GLTP: variants seen among roughly 807,000 people sequenced by gnomAD.
The protein encoded by GLTP is glycolipid transfer protein.
A neutral mutation model predicts 24.0 loss-of-function variants in GLTP; 22 were observed. The observed-to-expected ratio is 0.92, with a 90% CI of 0.65 to 1.31. The LOEUF (loss-of-function observed/expected upper bound fraction) is 1.31. GLTP is among the 50% of genes most tolerant of loss of function. The probability of loss-of-function intolerance (pLI) is 0.00; values close to 1 mark genes in which losing one functional copy is unlikely to be tolerated. For missense variants in GLTP, 224 were observed against 276.6 expected, an observed-to-expected ratio of 0.81 and a Z score of 1.35; for synonymous variants, 92 against 115.9, an observed-to-expected ratio of 0.79 and a Z score of 1.33.
In GLTP at chr12:109,852,279, G is replaced by A. The variant is rs754598319; in HGVS notation, c.*276C>T. The A allele has an allele frequency of 1.7e-5, 5 of 301,232 alleles. No individual in the cohort carries two copies. Among genetic ancestry groups the A allele is most frequent in the Admixed American group, 1.0e-4 (2 of 19,228 alleles). 18.7% of individuals were successfully genotyped at this position (301,232 alleles called of 1,614,324 possible). A position where few individuals can be genotyped will look rare whatever the true frequency, so the allele number is the denominator to read the frequency against. On this transcript the variant is annotated 3_prime_UTR_variant, in exon 5 of 5. Transcript: ENST00000318348. ...AGAAGTGTTAATCGGTTTTTACCACGCTGAAATGAAGGTATAAAGTCAGTC... is the reference window on the plus strand; with the variant it reads ...AGAAGTGTTAATCGGTTTTTACCACACTGAAATGAAGGTATAAAGTCAGTC...
Position 109,857,364 on chromosome 12 carries a change from G to T in GLTP, c.296+162C>A, listed in dbSNP as rs1165642767. Among the ~76,000 whole-genome samples, 2 of 152,196 alleles carry T rather than the reference G, an allele frequency of 1.3e-5. No homozygotes were observed. The highest frequency in any genetic ancestry group is 2.9e-5 in the Non-Finnish European group (2 of 68,030). Reference sequence around the variant, plus strand: ...ACCAGGAAGCATCACTGTCAGGCAAGCCCTGGCCATTGGGAGGCCTTTTCC... The same window carrying T: ...ACCAGGAAGCATCACTGTCAGGCAATCCCTGGCCATTGGGAGGCCTTTTCC... On this transcript the variant is annotated intron_variant, in intron 3 of 4. Transcript: ENST00000318348. The surrounding 1 kb of genome is among the most constrained non-coding windows in gnomAD (Gnocchi z 4.3).
At chr12:109,853,527 A>G (rs1892754672) in intron 4 of GLTP, among the ~76,000 whole-genome samples, 1 of 151,604 alleles carries the variant, frequency 6.6e-6, no homozygotes, top group African/African-American at 2.4e-5. Flanking sequence ...CATCTCTACT[A>G]AAAATACAAA....
At chr12:109,854,338 C>G in intron 4 of GLTP, among the ~76,000 whole-genome samples, 1 of 128,398 alleles carries the variant, frequency 7.8e-6, no homozygotes, top group Non-Finnish European at 1.5e-5. Context: ...CCAGCCTGGG[C>G]GACAGCGACA....
rs150208595 is a variant in GLTP, at chr12:109,852,643, C to T, written c.542G>A (p.Arg181His). The change falls in exon 5 of 5, where the codon CGC (arginine) becomes CAC (histidine). Residue 181 changes from arginine to histidine, a missense_variant. Physicochemically the swap from Arg to His is conservative, Grantham distance 29. Coordinates refer to ENST00000318348, the MANE Select transcript of GLTP (RefSeq NM_016433.4). ...CGCCGTGTAGTTGACTAGGAAGAGG[C>T]GGATCTTCTCCAGGCACTCCTCCTC... ...VTEEECLEKI[R>H]LFLVNYTATI... 5.1e-5 allele frequency: 82 copies of T among 1,602,204 alleles called. No individual in the cohort carries two copies. The highest frequency in any genetic ancestry group is 6.8e-5 in the Non-Finnish European group (79 of 1,169,160).
chr12:109,877,209 T>C (rs1286518739), intron 1 of GLTP, among the ~76,000 whole-genome samples: 1 of 152,244 alleles, frequency 6.6e-6, no homozygotes. Flanking sequence ...GAAAATATTC[T>C]GAAATCCCAG....
intron 1 of GLTP, among the ~76,000 whole-genome samples, chr12:109,879,139 CTG>C (rs1868979117): frequency 1.3e-5 from 2 of 152,192 alleles, no homozygotes; most frequent in African/African-American, 4.8e-5. Flanking sequence ...GCTCAGGACA[CTG>C]TGGGAACTAC....
chr12:109,873,188 T>TAA (rs60876157), intron 1 of GLTP, among the ~76,000 whole-genome samples: 43 of 145,890 alleles, frequency 2.9e-4, no homozygotes, highest in African/African-American at 1.0e-3. Flanking sequence ...ACTTTAAATT[T>TAA]AAAAAAAAAA....
chr12:109,864,803 C>T (rs1416125687), intron 1 of GLTP, among the ~76,000 whole-genome samples: 1 of 152,146 alleles, frequency 6.6e-6, no homozygotes, highest in Non-Finnish European at 1.5e-5. Context: ...AATTCCCAAG[C>T]ATGTGGTGGC....
intron 3 of GLTP, among the ~76,000 whole-genome samples, chr12:109,856,294 A>C (rs1218109344): frequency 6.6e-6 from 1 of 152,156 alleles, no homozygotes; most frequent in Non-Finnish European, 1.5e-5. Context: ...AGCATCCTCC[A>C]ATGGCCACTC....
At chr12:109,878,031 C>T (rs574516698) in intron 1 of GLTP, among the ~76,000 whole-genome samples, 7 of 152,262 alleles carry the variant, frequency 4.6e-5, no homozygotes, top group Admixed American at 4.6e-4. Context: ...AACCCCACTG[C>T]GGCTTCTGTA....
intron 4 of GLTP, among the ~76,000 whole-genome samples, chr12:109,854,384 A>AG (rs1474255138): frequency 5.3e-5 from 8 of 151,812 alleles, no homozygotes; most frequent in Admixed American, 5.3e-4. Flanking sequence ...AAAAAAAAAA[A>AG]AAGTAATAGC....
At chr12:109,875,989 T>G (rs1488399447) in intron 1 of GLTP, among the ~76,000 whole-genome samples, 2 of 152,158 alleles carry the variant, frequency 1.3e-5, no homozygotes, top group South Asian at 2.1e-4. Context: ...GAGCCCGACA[T>G]AAGAAGCAAT....
chr12:109,858,823 A>C (rs1411772456), intron 1 of GLTP, 82 bp from the exon 2 acceptor site: 1 of 909,172 alleles, frequency 1.1e-6, no homozygotes, highest in Admixed American at 1.7e-5. Context: ...GGGACATGGA[A>C]GGGTGGATTA....
chr12:109,854,970 A>T lies in GLTP; in HGVS notation c.447+649T>A, dbSNP rs529275362. On this transcript the variant is annotated intron_variant, in intron 4 of 4. Transcript: ENST00000318348. Reference sequence around the variant, plus strand: ...GGCAGGCAGAGGGAGCTGCAGCAGAAAGGGTGGCCAGAACAGGCCGGGCAG... The same window carrying T: ...GGCAGGCAGAGGGAGCTGCAGCAGATAGGGTGGCCAGAACAGGCCGGGCAG... Among the ~76,000 whole-genome samples the T allele has an allele frequency of 1.2e-4, 18 of 152,342 alleles. 1 individual carries two copies. In the South Asian group the frequency reaches 3.7e-3, roughly 32 times the overall value.
chr12:109,863,502 A>C (rs1038478909), intron 1 of GLTP, among the ~76,000 whole-genome samples: 3 of 152,212 alleles, frequency 2.0e-5, no homozygotes. Context: ...TGAATGAATG[A>C]GTGAATGAAT....
intron 1 of GLTP, among the ~76,000 whole-genome samples, chr12:109,863,103 G>T (rs1868415789): frequency 6.6e-6 from 1 of 152,164 alleles, no homozygotes; most frequent in Non-Finnish European, 1.5e-5. Context: ...GCTTACATTA[G>T]ACTGATGGAT....
rs1361555520 is a variant in GLTP, at chr12:109,852,478, C to A, written c.*77G>T. The A allele has an allele frequency of 6.2e-6, 6 of 964,684 alleles. No individual in the cohort carries two copies. The East Asian group carries it at 1.4e-4, about 23-fold the overall frequency. The allele number at this position is 964,684 out of a possible 1,614,324, so 59.8% of individuals were successfully genotyped here. A position where few individuals can be genotyped will look rare whatever the true frequency, so the allele number is the denominator to read the frequency against. On this transcript the variant is annotated 3_prime_UTR_variant, in exon 5 of 5. Transcript: ENST00000318348. ...ACACAGGCCAGGGGCAGTTCACCGA[C>A]TTGATTCACAGTGATTCTGGTTTGC...
chr12:109,857,187 C>T lies in GLTP; in HGVS notation c.296+339G>A, dbSNP rs560749943. On this transcript the variant is annotated intron_variant, in intron 3 of 4. Coordinates refer to ENST00000318348, the MANE Select transcript of GLTP (RefSeq NM_016433.4). This position sits in a 1 kb window ranked among gnomAD's most constrained non-coding sequence, Gnocchi z 4.3. ...ATAACTGTGCTGGATGACATGGGCA[C>T]GTGATTTGGCCTCCAGAAGCGCCAG... 2.6e-5 allele frequency among the ~76,000 whole-genome samples: 4 copies of T among 152,152 alleles called. No individual in the cohort carries two copies. The highest frequency in any genetic ancestry group is 2.9e-5 in the Non-Finnish European group (2 of 68,032).
chr12:109,874,473 A>C (rs922478493), intron 1 of GLTP, among the ~76,000 whole-genome samples: 1 of 152,158 alleles, frequency 6.6e-6, no homozygotes, highest in African/African-American at 2.4e-5. Context: ...AAGAGGCATG[A>C]AGAAAAATCA....
Sources: gnomAD v4.1 joint callset for allele counts (sites outside exome capture counted in the v4.1 genomes callset) on GRCh38, gnomAD v4.1.1 for gene constraint, Gnocchi (gnomAD v3.1) non-coding constraint, MANE v1.5 for transcripts, NCBI Gene and HGNC (gene_info 2026-07-23, HGNC 2026-07-21) for gene names.